Variants in TMEM170A observed in about 807,000 individuals in gnomAD.
TMEM170A encodes the protein transmembrane protein 170A, also known as transmembrane protein 170.
TMEM170A carries 18 observed loss-of-function variants against 12.8 expected under a neutral mutation model. The observed-to-expected ratio is 1.41, with a 90% CI of 0.97 to 2.09. The LOEUF is 2.09. Among genes scored for constraint, TMEM170A ranks in the 30% most tolerant of loss-of-function variants. The probability of loss-of-function intolerance (pLI) is 0.00; values close to 1 mark genes in which losing one functional copy is unlikely to be tolerated. For synonymous variants in TMEM170A, 107 were observed against 76.2 expected, an observed-to-expected ratio of 1.40 and a Z score of -2.11; for missense variants, 220 against 179.9, an observed-to-expected ratio of 1.22 and a Z score of -1.28.
At chr16:75,458,473 T>C (rs894523078) in intron 1 of TMEM170A, 4 of 152,188 alleles carry the variant, frequency 2.6e-5, no homozygotes, top group Non-Finnish European at 4.4e-5. Flanking sequence ...AGGTAGGAGA[T>C]AAGAGTCAGA....
At chr16:75,462,119 A>C (rs1702366288) in intron 1 of TMEM170A, among the ~76,000 whole-genome samples, 2 of 152,232 alleles carry the variant, frequency 1.3e-5, no homozygotes, top group South Asian at 4.1e-4. Flanking sequence ...ACTTGGTAGT[A>C]AAGAGAGGAT....
chr16:75,459,469 T>C (rs921960195), intron 1 of TMEM170A, among the ~76,000 whole-genome samples: 2 of 152,198 alleles, frequency 1.3e-5, no homozygotes, highest in African/African-American at 4.8e-5. Context: ...CACTCTCATC[T>C]TGTGTTTCAG....
chr16:75,451,025 G>A (rs1318580117), intron 2 of TMEM170A, among the ~76,000 whole-genome samples: 1 of 152,170 alleles, frequency 6.6e-6, no homozygotes, highest in African/African-American at 2.4e-5. Context: ...ATGAGTGGAA[G>A]TAATTCACCA....
chr16:75,453,298 G>T (rs149497820), intron 1 of TMEM170A, among the ~76,000 whole-genome samples: 3 of 152,246 alleles, frequency 2.0e-5, no homozygotes, highest in Non-Finnish European at 2.9e-5. Context: ...GCCTGGCATG[G>T]TATTGCATAC....
At chr16:75,459,865 A>G (rs2079872183) in intron 1 of TMEM170A, 1 of 152,484 alleles carries the variant, frequency 6.6e-6, no homozygotes, top group Non-Finnish European at 1.5e-5. Context: ...TCAAAAAAAA[A>G]AAAAGTCTTA....
intron 1 of TMEM170A, chr16:75,452,832 CCCA>C (rs1597442372): frequency 6.6e-6 from 1 of 152,304 alleles, no homozygotes. Flanking sequence ...TGCCTACAGA[CCCA>C]CCACCTGTTT....
At chr16:75,455,493 A>C (rs2079776507) in intron 1 of TMEM170A, among the ~76,000 whole-genome samples, 1 of 152,204 alleles carries the variant, frequency 6.6e-6, no homozygotes, top group South Asian at 2.1e-4. Flanking sequence ...ATAAACACTC[A>C]TGTGGAAATG....
At chr16:75,450,512 A>G (rs896475733) in intron 2 of TMEM170A, among the ~76,000 whole-genome samples, 4 of 152,172 alleles carry the variant, frequency 2.6e-5, no homozygotes, top group African/African-American at 9.7e-5. Flanking sequence ...ACTGTTTCTT[A>G]TCCCATAAGC....
Position 75,451,704 on chromosome 16 carries a change from C to T in TMEM170A, c.269G>A (p.Gly90Asp), listed in dbSNP as rs1027118685. 1.7e-5 allele frequency: 27 copies of T among 1,614,054 alleles called. No individual in the cohort carries two copies. The highest frequency in any genetic ancestry group is 2.1e-5 in the Non-Finnish European group (25 of 1,180,048). The change falls in exon 2 of 3, where the codon GGC becomes GAC. Residue 90 changes from glycine to aspartate, a missense_variant. Transcript: ENST00000561878. The stretch of plus-strand genomic sequence containing the variant: ...TCCAGCAGTAATTGGTCCCACGATG[C>T]CCATCAACAGGATGCTTACAGACAT... Reference protein sequence around the residue: ...RFMSVSILLMGIVGPITAGIL... With the variant: ...RFMSVSILLMDIVGPITAGIL...
In TMEM170A at chr16:75,464,226, G is replaced by A. The variant is rs566206766; in HGVS notation, c.133+242C>T. On this transcript the variant is annotated intron_variant, in intron 1 of 2. Transcript: ENST00000561878. ...GCGGCCGAGCGCCCTCCAGCCCCGG[G>A]CCCACCTGCGGCCGCTCTCTGCATC... is the stretch of plus-strand genomic sequence containing the variant. 1.0e-3 allele frequency: 1,515 copies of A among 1,503,620 alleles called. 11 individuals carry two copies. In the African/African-American group the frequency reaches 0.015, roughly 15 times the overall value. 93.1% of individuals were successfully genotyped at this position (1,503,620 alleles called of 1,614,324 possible). A position where few individuals can be genotyped will look rare whatever the true frequency, so the allele number is the denominator to read the frequency against.
At chr16:75,455,368 A>AAAAC in intron 1 of TMEM170A, among the ~76,000 whole-genome samples, 1 of 151,984 alleles carries the variant, frequency 6.6e-6, no homozygotes, top group Admixed American at 6.6e-5. Context: ...AAAAAAAAAA[A>AAAAC]AAAAATGCAA....
intron 1 of TMEM170A, 67 bp downstream of exon 1, chr16:75,464,401 G>T (rs1017229854): frequency 3.1e-5 from 43 of 1,383,748 alleles, no homozygotes; most frequent in Admixed American, 1.2e-4. Context: ...GCCCAGACTC[G>T]GGGCGCCCAC....
intron 1 of TMEM170A, among the ~76,000 whole-genome samples, chr16:75,461,142 C>G (rs1048867104): frequency 2.6e-5 from 4 of 152,164 alleles, no homozygotes; most frequent in Admixed American, 6.5e-5. Flanking sequence ...CAACCTCCCC[C>G]TCCCAGGTTC....
intron 1 of TMEM170A, among the ~76,000 whole-genome samples, chr16:75,464,002 G>A (rs1489022615): frequency 5.3e-5 from 8 of 152,250 alleles, no homozygotes; most frequent in Admixed American, 5.2e-4. Context: ...CTGCGCGGAG[G>A]GGCCGGGCTG....
intron 1 of TMEM170A, among the ~76,000 whole-genome samples, chr16:75,460,665 A>G (rs757873465): frequency 7.2e-5 from 11 of 152,030 alleles, no homozygotes; most frequent in Non-Finnish European, 1.6e-4. Flanking sequence ...CCTCACCACC[A>G]GCTGTTTTGT....
At chr16:75,451,580 A>G (rs2079682379) in intron 2 of TMEM170A, 89 bp downstream of exon 2, 1 of 1,416,128 alleles carries the variant, frequency 7.1e-7, no homozygotes, top group Non-Finnish European at 9.9e-7. Flanking sequence ...TCTTTCCTTC[A>G]TCCTACTCAG....
rs907673572 is a variant in TMEM170A, at chr16:75,447,761, T to G, written c.305-73A>C. Reference sequence around the variant, plus strand: ...AACAAACTCACGAAAATACAACATTTAAAATACTACTGCGAGTAGAATGTT... The same window carrying G: ...AACAAACTCACGAAAATACAACATTGAAAATACTACTGCGAGTAGAATGTT... On this transcript the variant is annotated intron_variant, in intron 2 of 2. Coordinates refer to ENST00000561878, the MANE Select transcript of TMEM170A (RefSeq NM_145254.3). 5.4e-6 allele frequency: 8 copies of G among 1,469,684 alleles called. No homozygotes were observed. In the African/African-American group the frequency reaches 1.1e-4, roughly 21 times the overall value. The allele number at this position is 1,469,684 out of a possible 1,614,324, so 91.0% of individuals were successfully genotyped here.
At chr16:75,455,057 T>C (rs1241889745) in intron 1 of TMEM170A, among the ~76,000 whole-genome samples, 3 of 152,148 alleles carry the variant, frequency 2.0e-5, no homozygotes, top group Non-Finnish European at 4.4e-5. Flanking sequence ...CAAAGTCCCA[T>C]TAAAATATGC....
At chr16:75,464,333 G>A in intron 1 of TMEM170A, 135 bp downstream of exon 1, 3 of 1,403,494 alleles carry the variant, frequency 2.1e-6, no homozygotes, top group South Asian at 1.5e-5. Flanking sequence ...CGAGCAGCAC[G>A]GCCCCCCTCC....
Sources: allele counts gnomAD v4.1 joint callset (sites outside exome capture counted in the v4.1 genomes callset), GRCh38; gene constraint gnomAD v4.1.1; transcripts MANE v1.5; gene names NCBI Gene and HGNC (gene_info 2026-07-23, HGNC 2026-07-21).